The following OSBPL10 variants were observed in gnomAD, a reference collection of about 807,000 sequenced individuals.
The protein encoded by OSBPL10 is oxysterol-binding protein-related protein 10.
Under a neutral mutation model 81.7 loss-of-function variants are expected in OSBPL10, and 49 were observed. That is an observed-to-expected ratio of 0.60 (90% CI 0.48 to 0.76). The LOEUF (loss-of-function observed/expected upper bound fraction) is 0.76. Ranked by LOEUF, OSBPL10 falls within the 30% of genes least tolerant of loss-of-function variation. OSBPL10 has a pLI of 0.00. For missense variants in OSBPL10, 923 were observed against 987.8 expected (o/e 0.93, Z 0.88); for synonymous variants, 419 against 383.6 (o/e 1.09, Z -1.08).
chr3:31,857,207 GTT>G (rs1213133945), intron 3 of OSBPL10, among the ~76,000 whole-genome samples: 2 of 152,160 alleles, frequency 1.3e-5, no homozygotes, highest in Non-Finnish European at 2.9e-5. Context: ...GCACCGGAGG[GTT>G]TTGTCAAGGA....
At chr3:32,030,831 A>G (rs762805657) in intron 2 of OSBPL10, among the ~76,000 whole-genome samples, 18 of 152,226 alleles carry the variant, frequency 1.2e-4, no homozygotes, top group Non-Finnish European at 5.9e-5. Context: ...GAATGATAAG[A>G]TTACATGAAA....
chr3:31,878,639 G>T (rs1397349578), intron 2 of OSBPL10, among the ~76,000 whole-genome samples: 1 of 152,140 alleles, frequency 6.6e-6, no homozygotes, highest in Non-Finnish European at 1.5e-5. Context: ...GTCTGACTTT[G>T]CAGAGGCAAC....
chr3:31,738,449 G>A (rs927247770), intron 5 of OSBPL10, among the ~76,000 whole-genome samples: 2 of 152,012 alleles, frequency 1.3e-5, no homozygotes, highest in African/African-American at 2.4e-5. Flanking sequence ...AGATGAACAG[G>A]CAAACAGAAG....
At chr3:31,672,046 C>G (rs1700335138) in intron 8 of OSBPL10, among the ~76,000 whole-genome samples, 1 of 151,322 alleles carries the variant, frequency 6.6e-6, no homozygotes, top group African/African-American at 2.4e-5. Context: ...CAAGAATGCT[C>G]TGAGCCTTAG....
At chr3:31,821,931 T>A (rs1286926019) in intron 4 of OSBPL10, among the ~76,000 whole-genome samples, 1 of 152,170 alleles carries the variant, frequency 6.6e-6, no homozygotes, top group Non-Finnish European at 1.5e-5. Context: ...ATTTACTCCA[T>A]CCACATGAAA....
intron 3 of OSBPL10, among the ~76,000 whole-genome samples, chr3:31,854,625 C>G (rs1428548952): frequency 2.0e-5 from 3 of 152,114 alleles, no homozygotes; most frequent in Admixed American, 2.0e-4. Flanking sequence ...GAAATAATTT[C>G]AAACTTATAG....
intron 1 of OSBPL10, among the ~76,000 whole-genome samples, chr3:32,059,501 G>A (rs1293210150): frequency 2.6e-5 from 4 of 151,940 alleles, no homozygotes; most frequent in Admixed American, 6.6e-5. Flanking sequence ...TGAGGCAGGA[G>A]AATCGCTTGA....
At chr3:31,761,823 A>AAAAAAAAAAAC (rs1553622727) in intron 4 of OSBPL10, among the ~76,000 whole-genome samples, 5 of 149,894 alleles carry the variant, frequency 3.3e-5, no homozygotes, top group African/African-American at 1.3e-4. Context: ...TAAAAAAAAA[A>AAAAAAAAAAAC]AAAAAAAACC....
chr3:31,665,908 G>A (rs982861851), intron 10 of OSBPL10, among the ~76,000 whole-genome samples: 3 of 152,100 alleles, frequency 2.0e-5, no homozygotes, highest in Admixed American at 6.5e-5. Flanking sequence ...AGGGCAGAGC[G>A]CCCAAAACCA....
chr3:31,784,129 A>C (rs566869641), intron 4 of OSBPL10, among the ~76,000 whole-genome samples: 1 of 151,766 alleles, frequency 6.6e-6, no homozygotes, highest in East Asian at 2.0e-4. Flanking sequence ...ACTTGAGGTC[A>C]GGAGTTCAAG....
intron 3 of OSBPL10, among the ~76,000 whole-genome samples, chr3:31,863,591 G>A (rs1488644990): frequency 1.3e-5 from 2 of 152,152 alleles, no homozygotes; most frequent in Non-Finnish European, 2.9e-5. Context: ...AAATACACAA[G>A]ATAATCCAAG....
At position 31,961,920 on chromosome 3, in the gene OSBPL10, T is replaced by TTTTA. The variant is rs35707470; in HGVS notation, c.281+18978_281+18979insTAAA. Among the ~76,000 whole-genome samples the TTTTA allele has an allele frequency of 3.7e-3, 558 of 149,740 alleles. 5 individuals carry two copies. The highest frequency in any genetic ancestry group is 0.013 in the African/African-American group (518 of 40,564). On this transcript the variant is annotated intron_variant, in intron 1 of 11. Transcript: ENST00000396556. ...AGTTTTGTTTTGGTTTTTTTTTTTT[T>TTTTA]AAGAGTTTTTTTTGGCAGAGGGGAG... is the stretch of plus-strand genomic sequence containing the variant.
chr3:32,060,309 G>A (rs1437709291), intron 1 of OSBPL10, among the ~76,000 whole-genome samples: 1 of 152,082 alleles, frequency 6.6e-6, no homozygotes, highest in East Asian at 1.9e-4. Flanking sequence ...GCATCTTGTT[G>A]CCCTCAACTA....
intron 1 of OSBPL10, among the ~76,000 whole-genome samples, chr3:31,934,912 A>C (rs2125727679): frequency 6.6e-6 from 1 of 152,318 alleles, no homozygotes; most frequent in East Asian, 1.9e-4. Flanking sequence ...CTATTTTTCT[A>C]CTAAAGCAAC....
At chr3:31,930,947 G>GAGCTTGCAGTGAGCCGAC (rs1055411386) in intron 1 of OSBPL10, among the ~76,000 whole-genome samples, 1 of 148,834 alleles carries the variant, frequency 6.7e-6, no homozygotes, top group African/African-American at 2.5e-5. Context: ...CCAGGAGGCG[G>GAGCTTGCAGTGAGCCGAC]AGCTTGCAGT....
intron 3 of OSBPL10, among the ~76,000 whole-genome samples, chr3:31,872,042 GTTTTC>G (rs1207860414): frequency 6.6e-6 from 1 of 152,168 alleles, no homozygotes; most frequent in African/African-American, 2.4e-5. Context: ...AAGGCCGAAT[GTTTTC>G]TTTTGTTGTT....
chr3:31,726,894 A>G (rs1480765738), intron 6 of OSBPL10, among the ~76,000 whole-genome samples: 2 of 151,778 alleles, frequency 1.3e-5, no homozygotes, highest in African/African-American at 4.8e-5. Context: ...CCAAGGTTCA[A>G]ATGCAGTGGT....
chr3:31,777,087 T>A (rs1440120015), intron 4 of OSBPL10, among the ~76,000 whole-genome samples: 1 of 152,240 alleles, frequency 6.6e-6, no homozygotes, highest in African/African-American at 2.4e-5. Flanking sequence ...CATGCAATTA[T>A]CAATGGAGTT....
intron 2 of OSBPL10, chr3:31,990,130 T>C (rs13087612): frequency 0.23 from 368,964 of 1,613,066 alleles, 54,655 homozygotes; most frequent in African/African-American, 0.66. Flanking sequence ...TGAAAAGGCT[T>C]TCAGGCGTGA....
Sources: allele counts gnomAD v4.1 joint callset (sites outside exome capture counted in the v4.1 genomes callset), GRCh38; gene constraint gnomAD v4.1.1; transcripts MANE v1.5; gene names NCBI Gene and HGNC (gene_info 2026-07-23, HGNC 2026-07-21).